The following EYA1 variants were observed in gnomAD, a reference collection of about 807,000 sequenced individuals.
The protein encoded by EYA1 is protein phosphatase EYA1.
Under a neutral mutation model 82.0 loss-of-function variants are expected in EYA1, and 16 were observed. The observed-to-expected ratio is 0.20, with a 90% CI of 0.13 to 0.30. EYA1 has a LOEUF of 0.30. EYA1 is among the 10% of genes least tolerant of loss of function. The probability of loss-of-function intolerance (pLI) is 1.00; values close to 1 mark genes in which losing one functional copy is unlikely to be tolerated. For synonymous variants in EYA1, 261 were observed against 264.4 expected, an observed-to-expected ratio of 0.99 and a Z score of 0.12; for missense variants, 633 against 730.7, an observed-to-expected ratio of 0.87 and a Z score of 1.54.
intron 9 of EYA1, among the ~76,000 whole-genome samples, chr8:71,278,641 T>A (rs1040518654): frequency 1.3e-5 from 2 of 152,240 alleles, no homozygotes; most frequent in Admixed American, 6.5e-5. Context: ...CCTTTTTTCA[T>A]ATCTACTGAT....
rs903585472 is a variant in EYA1 at position 71,274,943 on chromosome 8, A to G, written c.827-3046T>C. ...GAGAGAATGAGAGCGAGTGAACGAG[A>G]GCAAGCGAGTGAACAAGCGCAAGCG... On this transcript the variant is annotated intron_variant, in intron 9 of 17. Transcript: ENST00000340726. Among the ~76,000 whole-genome samples the G allele has an allele frequency of 1.6e-3, 237 of 152,252 alleles. 4 individuals are homozygous for G. Among genetic ancestry groups the G allele is most frequent in the Non-Finnish European group, 4.1e-4 (28 of 68,040 alleles).
intron 2 of EYA1, among the ~76,000 whole-genome samples, chr8:71,491,157 G>A (rs1378839047): frequency 6.6e-6 from 1 of 152,186 alleles, no homozygotes; most frequent in Non-Finnish European, 1.5e-5. Context: ...AGGCCATATG[G>A]CTAATCGATG....
At chr8:71,510,577 T>G (rs1812521911) in intron 2 of EYA1, among the ~76,000 whole-genome samples, 1 of 152,146 alleles carries the variant, frequency 6.6e-6, no homozygotes, top group Admixed American at 6.5e-5. Context: ...AGAAAGCCCC[T>G]TATAAAACCA....
At chr8:71,398,168 T>C (rs1055416642) in intron 2 of EYA1, among the ~76,000 whole-genome samples, 3 of 152,124 alleles carry the variant, frequency 2.0e-5, no homozygotes, top group African/African-American at 7.2e-5. Context: ...CTCTACACTG[T>C]TTATTCTAGT....
chr8:71,268,815 G>A (rs1009463803), intron 11 of EYA1, among the ~76,000 whole-genome samples: 2 of 152,098 alleles, frequency 1.3e-5, no homozygotes, highest in African/African-American at 2.4e-5. Flanking sequence ...TTTGTTGAAA[G>A]AACAACCACC....
chr8:71,487,658 TG>T (rs911690284), intron 2 of EYA1, among the ~76,000 whole-genome samples: 1 of 152,156 alleles, frequency 6.6e-6, no homozygotes, highest in Non-Finnish European at 1.5e-5. Flanking sequence ...AATTTTTTAA[TG>T]GGCAAAAGAG....
intron 11 of EYA1, among the ~76,000 whole-genome samples, chr8:71,251,089 A>G (rs929153019): frequency 1.3e-5 from 2 of 152,352 alleles, no homozygotes. Context: ...GAATAGCTGC[A>G]TAAGAAGCCT....
intron 2 of EYA1, among the ~76,000 whole-genome samples, chr8:71,503,087 G>A (rs925206961): frequency 6.6e-6 from 1 of 152,108 alleles, no homozygotes; most frequent in African/African-American, 2.4e-5. Flanking sequence ...ACTCCTTGAG[G>A]TCAGGAACTC....
At chr8:71,365,695 C>T (rs768146150), upstream of EYA1, among the ~76,000 whole-genome samples, 1 of 152,122 alleles carries the variant, frequency 6.6e-6, no homozygotes, top group Non-Finnish European at 1.5e-5. Flanking sequence ...CCTTTGGAAC[C>T]GTGTCTGGAT....
chr8:71,238,133 T>C, intron 12 of EYA1, among the ~76,000 whole-genome samples: 1 of 152,142 alleles, frequency 6.6e-6, no homozygotes, highest in Admixed American at 6.5e-5. Flanking sequence ...ATTCTTTCAT[T>C]TTTTAACTGT....
chr8:71,376,900 G>A (rs1055870630), intron 2 of EYA1, among the ~76,000 whole-genome samples: 3 of 152,108 alleles, frequency 2.0e-5, no homozygotes, highest in African/African-American at 4.8e-5. Flanking sequence ...GGCTCCCTCC[G>A]CAGAAGCCTC....
chr8:71,532,437 T>C (rs1814362208), intron 2 of EYA1, among the ~76,000 whole-genome samples: 1 of 152,108 alleles, frequency 6.6e-6, no homozygotes, highest in Non-Finnish European at 1.5e-5. Context: ...ATCGCCACCT[T>C]CTCTTTTGAT....
At chr8:71,399,836 G>A (rs2129125584) in intron 2 of EYA1, among the ~76,000 whole-genome samples, 1 of 152,304 alleles carries the variant, frequency 6.6e-6, no homozygotes, top group South Asian at 2.1e-4. Flanking sequence ...AGCCTGTATA[G>A]CCAAGACAAT....
intron 2 of EYA1, among the ~76,000 whole-genome samples, chr8:71,518,257 C>T (rs1201514145): frequency 1.3e-5 from 2 of 152,072 alleles, no homozygotes; most frequent in African/African-American, 4.8e-5. Flanking sequence ...AGTCTTAGTT[C>T]TTCTTGCCAA....
At chr8:71,478,669 T>A (rs1217561254) in intron 2 of EYA1, among the ~76,000 whole-genome samples, 2 of 152,286 alleles carry the variant, frequency 1.3e-5, no homozygotes, top group East Asian at 1.9e-4. Context: ...CCTTCTCAAG[T>A]TATTGTTCAC....
At position 71,525,692 on chromosome 8, in the gene EYA1, G is replaced by C. The variant is rs372426877; in HGVS notation, c.33+10052C>G. ...CCAGTTAATGATGTTTAATAGCCGT[G>C]GTGTTTGTTTTTAGGTTACCTGTTA... On this transcript the variant is annotated intron_variant, in intron 2 of 18. Coordinates refer to the EYA1 transcript ENST00000643681. Among the ~76,000 whole-genome samples the C allele has an allele frequency of 2.0e-5, 3 of 152,076 alleles. 1 individual carries two copies. In the South Asian group the frequency reaches 6.2e-4, roughly 32 times the overall value.
intron 2 of EYA1, among the ~76,000 whole-genome samples, chr8:71,471,684 A>G (rs1367252917): frequency 6.6e-6 from 1 of 152,110 alleles, no homozygotes; most frequent in East Asian, 1.9e-4. Flanking sequence ...TCCTCACAGC[A>G]TGGAGCTTCT....
At chr8:71,302,301 T>C (rs1820282328) in intron 7 of EYA1, among the ~76,000 whole-genome samples, 1 of 152,034 alleles carries the variant, frequency 6.6e-6, no homozygotes, top group Non-Finnish European at 1.5e-5. Flanking sequence ...TTAAAATGGA[T>C]GTTTTCATTC....
chr8:71,362,274 C>A (rs1282710255), upstream of EYA1: 8 of 867,544 alleles, frequency 9.2e-6, no homozygotes, highest in East Asian at 1.6e-4. Flanking sequence ...TCTGACTCAA[C>A]CTTGCTGTTT....
Sources: gnomAD v4.1 joint callset for allele counts (sites outside exome capture counted in the v4.1 genomes callset) on GRCh38, gnomAD v4.1.1 for gene constraint, MANE v1.5 for transcripts, NCBI Gene and HGNC (gene_info 2026-07-23, HGNC 2026-07-21) for gene names.